The following NR2E3 variants were observed in gnomAD, a reference collection of about 807,000 sequenced individuals.
NR2E3 encodes photoreceptor-specific nuclear receptor.
Under a neutral mutation model 37.6 loss-of-function variants are expected in NR2E3, and 38 were observed. That is an observed-to-expected ratio of 1.01 (90% CI 0.78 to 1.33). NR2E3 has a LOEUF of 1.33. NR2E3 is among the 40% of genes most tolerant of loss of function. The pLI, the probability that NR2E3 is intolerant of heterozygous loss-of-function variation, is 0.00. For synonymous variants in NR2E3, 235 were observed against 225.1 expected (o/e 1.04, Z -0.39); for missense variants, 562 against 558.7 (o/e 1.01, Z -0.06).
intron 5 of NR2E3, among the ~76,000 whole-genome samples, 158 bp downstream of exon 5, chr15:71,812,669 G>C (rs967034529): frequency 6.6e-6 from 1 of 152,160 alleles, no homozygotes; most frequent in African/African-American, 2.4e-5. Flanking sequence ...TTCAGCGATG[G>C]CTGGGGTGCA....
chr15:71,812,512 G>T lies in NR2E3; in HGVS notation c.747+1G>T. ...CTCCAGCCTGCCCTTCCGGGATCAG[G>T]TACCTACCGGCCTGCCTGCTGGGGA... is the stretch of plus-strand genomic sequence containing the variant. On this transcript the variant is annotated splice_donor_variant, in intron 5 of 7. Transcript: ENST00000617575. LOFTEE classifies it high-confidence loss of function. 6.2e-7 allele frequency: 1 copy of T among 1,605,346 alleles called. No individual in the cohort carries two copies. Among genetic ancestry groups the T allele is most frequent in the Non-Finnish European group, 8.5e-7 (1 of 1,174,872 alleles).
chr15:71,813,840 G>A lies in NR2E3; in HGVS notation c.995-172G>A, dbSNP rs1229042122. 4.6e-5 allele frequency among the ~76,000 whole-genome samples: 7 copies of A among 152,098 alleles called. No homozygotes were observed. Among genetic ancestry groups the A allele is most frequent in the Non-Finnish European group, 1.0e-4 (7 of 67,984 alleles). ...GGACAGGGCAGGCTGGGAGCCCCTGGGAGACCCTGAGCCCCAGCCGGAGCC... is the reference window on the plus strand; with the variant it reads ...GGACAGGGCAGGCTGGGAGCCCCTGAGAGACCCTGAGCCCCAGCCGGAGCC... On this transcript the variant is annotated intron_variant, in intron 6 of 7. Transcript: ENST00000617575. This position sits in a 1 kb window ranked among gnomAD's most constrained non-coding sequence, Gnocchi z 4.7.
In NR2E3 at chr15:71,812,017, A is replaced by G; in HGVS notation, c.412A>G (p.Asn138Asp). The stretch of plus-strand genomic sequence containing the variant: ...GGTCCACCTGGACAGCATGGAGTCC[A>G]ACACTGAGTCCCGGCCGGAGTCCCT... ...AQVHLDSMESNTESRPESLVA... is the reference protein window; with the variant it reads ...AQVHLDSMESDTESRPESLVA... The change falls in exon 4 of 8, where the codon AAC becomes GAC. Residue 138 changes from asparagine to aspartate, a missense_variant. Coordinates refer to ENST00000617575, the MANE Select transcript of NR2E3 (RefSeq NM_014249.4). 1 of 1,555,078 alleles carries G rather than the reference A, an allele frequency of 6.4e-7. No homozygotes were observed. Among genetic ancestry groups the G allele is most frequent in the Non-Finnish European group, 8.7e-7 (1 of 1,149,444 alleles).
rs1050736610 is a variant in NR2E3, at chr15:71,812,638, T to C, written c.747+127T>C. On this transcript the variant is annotated intron_variant, in intron 5 of 7. Coordinates refer to ENST00000617575, the MANE Select transcript of NR2E3 (RefSeq NM_014249.4). ...TGCACACAGCTTGGATGGTGATGGC[T>C]GGGGACACACATACCTCTGATTCAG... 2.4e-5 allele frequency: 20 copies of C among 823,560 alleles called. No individual in the cohort carries two copies. The African/African-American group carries it at 3.5e-4, about 14-fold the overall frequency. 51.0% of individuals were successfully genotyped at this position (823,560 alleles called of 1,614,324 possible).
In NR2E3 at chr15:71,814,078, G is replaced by GCCAGCACAGCAAGGCCCA. The variant is rs1567160978; in HGVS notation, c.1065_1082dup (p.Gln355_His360dup). 3 of 1,612,586 alleles carry GCCAGCACAGCAAGGCCCA rather than the reference G, an allele frequency of 1.9e-6. No homozygotes were observed. The highest frequency in any genetic ancestry group is 1.7e-6 in the Non-Finnish European group (2 of 1,179,800). On this transcript the variant is annotated inframe_insertion, in exon 7 of 8. Coordinates refer to ENST00000617575, the MANE Select transcript of NR2E3 (RefSeq NM_014249.4). ...CAGGACCAGTCCCAAGTGATGCTGA[G>GCCAGCACAGCAAGGCCCA]CCAGCACAGCAAGGCCCACCACCCC...
At position 71,811,296 on chromosome 15, in the gene NR2E3, G is replaced by A. The variant is rs930912818; in HGVS notation, c.119-187G>A. Among the ~76,000 whole-genome samples, 14 of 152,252 alleles carry A rather than the reference G, an allele frequency of 9.2e-5. No individual in the cohort carries two copies. The highest frequency in any genetic ancestry group is 3.1e-4 in the African/African-American group (13 of 41,556). Reference sequence around the variant, plus strand: ...AGGAGAGAGGGCAAGGAATGGGGGTGGGGGCTGGGGTGTGGATGCACAGTG... The same window carrying A: ...AGGAGAGAGGGCAAGGAATGGGGGTAGGGGCTGGGGTGTGGATGCACAGTG... On this transcript the variant is annotated intron_variant, in intron 1 of 7. Coordinates refer to ENST00000617575, the MANE Select transcript of NR2E3 (RefSeq NM_014249.4). The surrounding 1 kb of genome is among the most constrained non-coding windows in gnomAD (Gnocchi z 5.6).
chr15:71,817,613 C>G lies in NR2E3; in HGVS notation c.1162C>G (p.Leu388Val). 1 of 1,610,474 alleles carries G rather than the reference C, an allele frequency of 6.2e-7. No homozygotes were observed. Among genetic ancestry groups the G allele is most frequent in the Non-Finnish European group, 8.5e-7 (1 of 1,176,946 alleles). ...GTTTATCACTGCGGAACGCATCGAG[C>G]TCCTCTTTTTCCGCAAGACCATAGG... ...LRFITAERIE[L>V]LFFRKTIGNT... Residue 388 changes from leucine (L) to valine (V), a missense_variant, in exon 8 of 8, where the codon CTC becomes GTC. Leu to Val is a conservative substitution (Grantham distance 32). Transcript: ENST00000617575.
chr15:71,811,270 G>A lies in NR2E3; in HGVS notation c.119-213G>A, dbSNP rs1224716831. On this transcript the variant is annotated intron_variant, in intron 1 of 7. Coordinates refer to ENST00000617575, the MANE Select transcript of NR2E3 (RefSeq NM_014249.4). The surrounding 1 kb of genome is among the most constrained non-coding windows in gnomAD (Gnocchi z 5.6). Reference sequence around the variant, plus strand: ...TCTTGCTGAAAATTGGCCATTGAGGGAGGAGAGAGGGCAAGGAATGGGGGT... The same window carrying A: ...TCTTGCTGAAAATTGGCCATTGAGGAAGGAGAGAGGGCAAGGAATGGGGGT... Among the ~76,000 whole-genome samples, 1 of 151,454 alleles carries A rather than the reference G, an allele frequency of 6.6e-6. No homozygotes were observed. The highest frequency in any genetic ancestry group is 1.9e-4 in the East Asian group (1 of 5,156).
Position 71,812,085 on chromosome 15 carries a change from CA to C in NR2E3, c.481del (p.Thr161HisfsTer18), listed in dbSNP as rs759339012. On this transcript the variant is annotated frameshift_variant, in exon 4 of 8. Transcript: ENST00000617575. LOFTEE classifies it high-confidence loss of function. ...CGGCAGGGCGCAGCCCACGGGGCCCCACACCCATGTCTGCAGCCAGAGCCCT... is the reference window on the plus strand; with the variant it reads ...CGGCAGGGCGCAGCCCACGGGGCCCCCACCCATGTCTGCAGCCAGAGCCCT... ...APAGRSPRGP[T>X]PMSAARALGH... 62 of 1,554,208 alleles carry C rather than the reference CA, an allele frequency of 4.0e-5. No individual in the cohort carries two copies. Among genetic ancestry groups the C allele is most frequent in the Non-Finnish European group, 5.1e-5 (59 of 1,149,208 alleles).
rs555211505 is a variant in NR2E3, at chr15:71,813,484, C to G, written c.843C>G (p.Pro281=). 9.9e-6 allele frequency: 16 copies of G among 1,611,056 alleles called. No individual in the cohort carries two copies. The highest frequency in any genetic ancestry group is 1.4e-5 in the Non-Finnish European group (16 of 1,178,696). The change falls in exon 6 of 8, where the codon CCC becomes CCG. Residue 281 remains proline (P), a synonymous_variant. Coordinates refer to ENST00000617575, the MANE Select transcript of NR2E3 (RefSeq NM_014249.4). This position sits in a 1 kb window ranked among gnomAD's most constrained non-coding sequence, Gnocchi z 4.7. The stretch of plus-strand genomic sequence containing the variant: ...ACAGCTGTCCTCTGCTGGCACCGCC[C>G]GAGGCCTCTGCTGCCGGTGGTGCCC... ...PLDSCPLLAP[P]EASAAGGAQG...
chr15:71,814,169 C>T, intron 7 of NR2E3, 52 bp downstream of exon 7: 1 of 1,567,738 alleles, frequency 6.4e-7, no homozygotes, highest in Non-Finnish European at 8.6e-7. Flanking sequence ...TCTAACCTTT[C>T]TCTGCCTCTC....
chr15:71,816,624 A>G (rs2054228503), intron 7 of NR2E3, among the ~76,000 whole-genome samples: 1 of 152,198 alleles, frequency 6.6e-6, no homozygotes, highest in Admixed American at 6.5e-5. Flanking sequence ...CACCAAAATT[A>G]TCCTTCAACT....
intron 7 of NR2E3, among the ~76,000 whole-genome samples, chr15:71,816,498 G>A (rs2054227379): frequency 6.6e-6 from 1 of 152,012 alleles, no homozygotes; most frequent in African/African-American, 2.4e-5. Context: ...CTGACCTCGT[G>A]TTCCGCCCGC....
At position 71,812,496 on chromosome 15, in the gene NR2E3, G is replaced by T. The variant is rs751129402; in HGVS notation, c.732G>T (p.Leu244=). The change falls in exon 5 of 8, where the codon CTG becomes CTT. Residue 244 remains leucine (L), a synonymous_variant. Coordinates refer to ENST00000617575, the MANE Select transcript of NR2E3 (RefSeq NM_014249.4). The stretch of plus-strand genomic sequence containing the variant: ...AGAACCTGCCTGTGTTCTCCAGCCT[G>T]CCCTTCCGGGATCAGGTACCTACCG... The part of the protein sequence containing the change: ...WAKNLPVFSS[L]PFRDQVILLE... 13 of 1,611,386 alleles carry T rather than the reference G, an allele frequency of 8.1e-6. No homozygotes were observed. Among genetic ancestry groups the T allele is most frequent in the Non-Finnish European group, 1.1e-5 (13 of 1,178,210 alleles).
At chr15:71,817,320 G>A (rs1046968493) in intron 7 of NR2E3, 2 of 317,126 alleles carry the variant, frequency 6.3e-6, no homozygotes, top group Non-Finnish European at 5.9e-6. Flanking sequence ...GGATGGTCTC[G>A]ATCTCCTGAC....
At chr15:71,814,280 G>A (rs907154036) in intron 7 of NR2E3, 163 bp downstream of exon 7, 13 of 1,416,672 alleles carry the variant, frequency 9.2e-6, no homozygotes, top group Non-Finnish European at 1.1e-5. Flanking sequence ...CCAGGCCCCG[G>A]GAGTGGGGAC....
chr15:71,814,219 G>A, intron 7 of NR2E3, 102 bp downstream of exon 7: 3 of 1,486,428 alleles, frequency 2.0e-6, no homozygotes, highest in Non-Finnish European at 2.7e-6. Flanking sequence ...CAGCACAAGG[G>A]TCTCAGTTCA....
chr15:71,817,496 G>C, intron 7 of NR2E3, 56 bp from the exon 8 acceptor site: 3 of 1,534,444 alleles, frequency 2.0e-6, no homozygotes, highest in Non-Finnish European at 1.8e-6. Context: ...CACCGCCCCA[G>C]GGACTAGTGC....
In NR2E3 at chr15:71,812,467, G is replaced by A. The variant is rs1453475373; in HGVS notation, c.703G>A (p.Ala235Thr). Residue 235 changes from alanine (A) to threonine (T), a missense_variant, in exon 5 of 8, where the codon GCC becomes ACC. Physicochemically the swap from Ala to Thr is moderately conservative, Grantham distance 58. Coordinates refer to ENST00000617575, the MANE Select transcript of NR2E3 (RefSeq NM_014249.4). The stretch of plus-strand genomic sequence containing the variant: ...CCTACTCTTCATGGCCGTCAAGTGG[G>A]CCAAGAACCTGCCTGTGTTCTCCAG... ...ARLLFMAVKW[A>T]KNLPVFSSLP... is the part of the protein sequence containing the mutation. 1.9e-6 allele frequency: 3 copies of A among 1,613,688 alleles called. No individual in the cohort carries two copies. The highest frequency in any genetic ancestry group is 1.3e-5 in the African/African-American group (1 of 74,938).
Sources: allele counts gnomAD v4.1 joint callset (sites outside exome capture counted in the v4.1 genomes callset), GRCh38; gene constraint gnomAD v4.1.1; non-coding constraint Gnocchi (gnomAD v3.1); transcripts MANE v1.5; gene names NCBI Gene and HGNC (gene_info 2026-07-23, HGNC 2026-07-21).